The following MEIKIN variants were observed in gnomAD, a reference collection of about 807,000 sequenced individuals.
MEIKIN encodes meiotic kinetochore factor.
chr5:131,846,492 T>C (rs1269808631), intron 11 of MEIKIN, among the ~76,000 whole-genome samples: 2 of 152,340 alleles, frequency 1.3e-5, no homozygotes, highest in South Asian at 2.1e-4. Context: ...ATTGTAACAT[T>C]GGTTTGTAAC....
At chr5:131,833,885 G>A (rs1444953463) in intron 11 of MEIKIN, among the ~76,000 whole-genome samples, 1 of 152,164 alleles carries the variant, frequency 6.6e-6, no homozygotes, top group Non-Finnish European at 1.5e-5. Flanking sequence ...CGAAGAAAAT[G>A]TTTGTAAAAT....
intron 12 of MEIKIN, among the ~76,000 whole-genome samples, chr5:131,816,068 T>C (rs1773094553): frequency 1.3e-5 from 2 of 152,238 alleles, no homozygotes; most frequent in African/African-American, 2.4e-5. Flanking sequence ...AGGGTGAACA[T>C]TGCCCGAAAC....
chr5:131,831,897 G>C (rs1749722035), intron 11 of MEIKIN, among the ~76,000 whole-genome samples: 1 of 152,074 alleles, frequency 6.6e-6, no homozygotes, highest in African/African-American at 2.4e-5. Context: ...GGAAAGACTG[G>C]CCCCCATGAT....
At chr5:131,808,885 G>C (rs1772897508) in intron 12 of MEIKIN, among the ~76,000 whole-genome samples, 1 of 152,086 alleles carries the variant, frequency 6.6e-6, no homozygotes, top group African/African-American at 2.4e-5. Context: ...AGATCAGCCT[G>C]GGCATCATGG....
Position 131,928,015 on chromosome 5 carries a change from G to A in MEIKIN, c.478+5498C>T, listed in dbSNP as rs552840847. 8.3e-4 allele frequency among the ~76,000 whole-genome samples: 126 copies of A among 151,760 alleles called. 1 individual carries two copies. The highest frequency in any genetic ancestry group is 2.6e-3 in the African/African-American group (106 of 41,354). ...AAAAATTAGCCGGGCACGGTGGCGC[G>A]CGCCTGTAGTCCCAGCTACACGGGA... On this transcript the variant is annotated intron_variant, in intron 5 of 12. Transcript: ENST00000442687.
chr5:131,816,798 T>G (rs1446716331), intron 12 of MEIKIN, among the ~76,000 whole-genome samples: 4 of 152,228 alleles, frequency 2.6e-5, no homozygotes, highest in Non-Finnish European at 4.4e-5. Context: ...CCTTGAAAAC[T>G]TCATAACCTA....
Position 131,916,946 on chromosome 5 carries a change from A to C in MEIKIN, c.599-21T>G, listed in dbSNP as rs548532756. 216 of 396,996 alleles carry C rather than the reference A, an allele frequency of 5.4e-4. 1 individual carries two copies. The East Asian group carries it at 7.7e-3, about 14-fold the overall frequency. The allele number at this position is 396,996 out of a possible 1,614,324, so 24.6% of individuals were successfully genotyped here. ...GGTACCTAGGAGAGAAAATAAAAAC[A>C]ATCTATTAGAAATATAATTCGAAGG... On this transcript the variant is annotated intron_variant, in intron 6 of 12. Coordinates refer to ENST00000442687, the MANE Select transcript of MEIKIN (RefSeq NM_001303622.2).
intron 9 of MEIKIN, among the ~76,000 whole-genome samples, chr5:131,858,905 T>C (rs994012104): frequency 2.0e-5 from 3 of 152,126 alleles, no homozygotes; most frequent in Non-Finnish European, 4.4e-5. Flanking sequence ...GAATGACTTA[T>C]TAAAAAAGTC....
rs1370309233 is a variant in MEIKIN, at chr5:131,914,582, G to T, written c.638+2304C>A. ...AGGGAAGGGGGAAGAGAAGGGAAGG[G>T]AAGGGAAGGGAAGGGAAGGGAAGGG... On this transcript the variant is annotated intron_variant, in intron 7 of 12. Transcript: ENST00000442687. 9.4e-5 allele frequency among the ~76,000 whole-genome samples: 3 copies of T among 31,916 alleles called. 1 individual carries two copies. Among genetic ancestry groups the T allele is most frequent in the Non-Finnish European group, 2.5e-4 (3 of 12,058 alleles). 20.9% of individuals were successfully genotyped at this position (31,916 alleles called of 152,430 possible). A position where few individuals can be genotyped will look rare whatever the true frequency, so the allele number is the denominator to read the frequency against.
chr5:131,927,961 C>T (rs912447910), intron 5 of MEIKIN, among the ~76,000 whole-genome samples: 17 of 151,724 alleles, frequency 1.1e-4, no homozygotes, highest in African/African-American at 3.1e-4. Context: ...CTGGCTAACA[C>T]GGTGAAACCC....
At chr5:131,891,698 G>C (rs1750922630) in intron 8 of MEIKIN, among the ~76,000 whole-genome samples, 1 of 152,094 alleles carries the variant, frequency 6.6e-6, no homozygotes, top group South Asian at 2.1e-4. Context: ...TTTAATTAGA[G>C]CATTTAGCCC....
chr5:131,851,662 C>T (rs1436977172), intron 10 of MEIKIN, among the ~76,000 whole-genome samples: 1 of 152,138 alleles, frequency 6.6e-6, no homozygotes, highest in Non-Finnish European at 1.5e-5. Context: ...TGCTATGATA[C>T]ACCAGAGATT....
At chr5:131,922,839 T>C (rs546886605) in intron 5 of MEIKIN, among the ~76,000 whole-genome samples, 1 of 152,334 alleles carries the variant, frequency 6.6e-6, no homozygotes, top group South Asian at 2.1e-4. Flanking sequence ...AAACCACCTT[T>C]TGTTTTTCCT....
intron 12 of MEIKIN, among the ~76,000 whole-genome samples, chr5:131,808,019 T>C (rs1772878120): frequency 6.6e-6 from 1 of 151,964 alleles, no homozygotes; most frequent in Non-Finnish European, 1.5e-5. Context: ...CAAAGTGGGG[T>C]CCATGGACCA....
chr5:131,889,340 C>T (rs139773297), intron 8 of MEIKIN, among the ~76,000 whole-genome samples: 13 of 152,162 alleles, frequency 8.5e-5, no homozygotes, highest in South Asian at 6.2e-4. Flanking sequence ...TTCCTACCCA[C>T]GAGCATGGAA....
intron 8 of MEIKIN, among the ~76,000 whole-genome samples, chr5:131,906,580 G>A (rs771537360): frequency 6.6e-6 from 1 of 151,978 alleles, no homozygotes; most frequent in Non-Finnish European, 1.5e-5. Context: ...ATTTATCACA[G>A]CATTATTCAC....
At chr5:131,811,949 G>A (rs1168362229) in intron 12 of MEIKIN, among the ~76,000 whole-genome samples, 1 of 152,182 alleles carries the variant, frequency 6.6e-6, no homozygotes, top group East Asian at 1.9e-4. Flanking sequence ...CATATGTACA[G>A]CTTGATAGGT....
chr5:131,924,443 G>A (rs936735418), intron 5 of MEIKIN, among the ~76,000 whole-genome samples: 3 of 152,078 alleles, frequency 2.0e-5, no homozygotes, highest in Non-Finnish European at 4.4e-5. Flanking sequence ...CACCAACAGT[G>A]TACAAGGGTT....
At chr5:131,846,606 G>A (rs938798131) in intron 11 of MEIKIN, among the ~76,000 whole-genome samples, 7 of 152,134 alleles carry the variant, frequency 4.6e-5, no homozygotes, top group Non-Finnish European at 8.8e-5. Flanking sequence ...AGACTGCTTA[G>A]GCCCAGGAGT....
Sources: gnomAD v4.1 joint callset for allele counts (sites outside exome capture counted in the v4.1 genomes callset) on GRCh38, gnomAD v4.1.1 for gene constraint, MANE v1.5 for transcripts, NCBI Gene and HGNC (gene_info 2026-07-23, HGNC 2026-07-21) for gene names.